Variants in SLX4IP observed in about 807,000 individuals in gnomAD.
SLX4IP encodes the protein protein SLX4IP.
Under a neutral mutation model 32.9 loss-of-function variants are expected in SLX4IP, and 34 were observed. The observed-to-expected ratio is 1.03, with a 90% CI of 0.79 to 1.38. The LOEUF is 1.38. Ranked by LOEUF, SLX4IP falls within the 40% of genes most tolerant of loss-of-function variation. The pLI is 0.00. For missense variants in SLX4IP, 444 were observed against 479.0 expected (o/e 0.93, Z 0.68); for synonymous variants, 172 against 171.7 (o/e 1.00, Z -0.01).
chr20:10,485,814 CTA>C (rs2065567840), intron 2 of SLX4IP, among the ~76,000 whole-genome samples: 2 of 151,846 alleles, frequency 1.3e-5, no homozygotes, highest in Non-Finnish European at 2.9e-5. Flanking sequence ...ATTTAGTAAA[CTA>C]GAGAAAAAAG....
chr20:10,482,759 T>C (rs2122383537), intron 2 of SLX4IP, among the ~76,000 whole-genome samples: 1 of 152,348 alleles, frequency 6.6e-6, no homozygotes, highest in East Asian at 1.9e-4. Flanking sequence ...CTAAGAGACC[T>C]TTTAGAAGTG....
chr20:10,491,375 T>A (rs2065622476), intron 2 of SLX4IP, among the ~76,000 whole-genome samples: 1 of 152,180 alleles, frequency 6.6e-6, no homozygotes. Flanking sequence ...GTAATCATAT[T>A]CATGATTCTC....
chr20:10,561,460 A>T (rs1397044722), intron 4 of SLX4IP, among the ~76,000 whole-genome samples: 1 of 151,942 alleles, frequency 6.6e-6, no homozygotes, highest in Admixed American at 6.5e-5. Context: ...TCTACATATG[A>T]GTGAGAACAT....
intron 2 of SLX4IP, among the ~76,000 whole-genome samples, chr20:10,485,917 T>A (rs1225887311): frequency 2.0e-5 from 3 of 152,074 alleles, no homozygotes; most frequent in Non-Finnish European, 4.4e-5. Flanking sequence ...GTTATCTTCA[T>A]ATTGAGTCGG....
chr20:10,467,600 C>G (rs2065390946), intron 2 of SLX4IP, among the ~76,000 whole-genome samples: 1 of 152,166 alleles, frequency 6.6e-6, no homozygotes, highest in Non-Finnish European at 1.5e-5. Context: ...TGATGCTATG[C>G]CCAAACTAAC....
intron 2 of SLX4IP, among the ~76,000 whole-genome samples, chr20:10,497,892 A>C (rs1303980932): frequency 6.6e-6 from 1 of 151,746 alleles, no homozygotes; most frequent in Non-Finnish European, 1.5e-5. Context: ...TCCTTCCACC[A>C]ATCTTGCTTT....
chr20:10,598,808 A>G (rs2066806294), intron 5 of SLX4IP, 56 bp downstream of exon 5: 3 of 1,543,670 alleles, frequency 1.9e-6, no homozygotes, highest in Non-Finnish European at 1.8e-6. Flanking sequence ...CTTGCCCTAG[A>G]TAGAGAAGGG....
intron 1 of SLX4IP, among the ~76,000 whole-genome samples, chr20:10,451,401 C>G (rs2065241056): frequency 6.6e-6 from 1 of 151,972 alleles, no homozygotes; most frequent in Admixed American, 6.6e-5. Flanking sequence ...CCCAAGTGAT[C>G]CACGTGCGTT....
chr20:10,445,594 T>A (rs2065195542), intron 1 of SLX4IP, among the ~76,000 whole-genome samples: 1 of 150,022 alleles, frequency 6.7e-6, no homozygotes, highest in Admixed American at 6.7e-5. Flanking sequence ...GGATTACAGA[T>A]GTGAGCCACC....
intron 6 of SLX4IP, among the ~76,000 whole-genome samples, chr20:10,618,106 A>G (rs1342290520): frequency 1.3e-5 from 2 of 152,110 alleles, no homozygotes; most frequent in Admixed American, 6.6e-5. Flanking sequence ...GGGTAATATC[A>G]CCCATTGTCA....
chr20:10,520,865 C>A (rs1014964201), intron 2 of SLX4IP, among the ~76,000 whole-genome samples: 2 of 152,204 alleles, frequency 1.3e-5, no homozygotes, highest in African/African-American at 4.8e-5. Flanking sequence ...CTCTTCCACT[C>A]CTCTCTATCC....
At chr20:10,516,529 C>G (rs1018243013) in intron 2 of SLX4IP, among the ~76,000 whole-genome samples, 2 of 152,202 alleles carry the variant, frequency 1.3e-5, no homozygotes, top group Non-Finnish European at 2.9e-5. Flanking sequence ...AATGAGCATT[C>G]TGCCTTCTAA....
rs574216467 is a variant in SLX4IP at position 10,503,790 on chromosome 20, G to A, written c.27+45559G>A. Among the ~76,000 whole-genome samples the A allele has an allele frequency of 3.3e-5, 5 of 152,186 alleles. No individual in the cohort carries two copies. The East Asian group carries it at 9.7e-4, about 29-fold the overall frequency. On this transcript the variant is annotated intron_variant, in intron 2 of 7. Coordinates refer to ENST00000334534, the MANE Select transcript of SLX4IP (RefSeq NM_001009608.3). ...GCCTCTTCTAGTTTTGGTGTTTGTT[G>A]GCAACCCTAGGCCTTCTTGGGTTTG...
At chr20:10,513,842 G>T (rs1263376518) in intron 2 of SLX4IP, among the ~76,000 whole-genome samples, 2 of 152,182 alleles carry the variant, frequency 1.3e-5, no homozygotes, top group African/African-American at 4.8e-5. Context: ...GGCTTCTAGC[G>T]AGGACAGTGG....
intron 4 of SLX4IP, among the ~76,000 whole-genome samples, chr20:10,596,232 C>T (rs1489282394): frequency 1.3e-5 from 2 of 151,886 alleles, no homozygotes; most frequent in African/African-American, 4.8e-5. Flanking sequence ...CTGATAATAA[C>T]GTTTTTTTTT....
chr20:10,595,126 T>A (rs1312781557), intron 4 of SLX4IP, among the ~76,000 whole-genome samples: 1 of 152,086 alleles, frequency 6.6e-6, no homozygotes, highest in African/African-American at 2.4e-5. Flanking sequence ...GATGGGATCT[T>A]GCTGATACTA....
intron 4 of SLX4IP, among the ~76,000 whole-genome samples, chr20:10,565,592 G>A (rs1336942611): frequency 6.6e-6 from 1 of 152,186 alleles, no homozygotes; most frequent in East Asian, 1.9e-4. Flanking sequence ...AGTCAGGGGA[G>A]GCAAAATGTT....
intron 4 of SLX4IP, among the ~76,000 whole-genome samples, chr20:10,596,863 A>G (rs897846471): frequency 1.3e-5 from 2 of 152,200 alleles, no homozygotes; most frequent in Non-Finnish European, 2.9e-5. Context: ...ACTCAGAGTA[A>G]TGTCAGTGGT....
At chr20:10,602,302 CTCTCTGTCTCTCTG>C (rs2066852014) in intron 6 of SLX4IP, among the ~76,000 whole-genome samples, 1 of 150,586 alleles carries the variant, frequency 6.6e-6, no homozygotes, top group Admixed American at 6.6e-5. Flanking sequence ...CTCTCTCTCT[CTCTCTGTCTCTCTG>C]TCTCTCTGTC....
Sources: allele counts gnomAD v4.1 joint callset (sites outside exome capture counted in the v4.1 genomes callset), GRCh38; gene constraint gnomAD v4.1.1; transcripts MANE v1.5; gene names NCBI Gene and HGNC (gene_info 2026-07-23, HGNC 2026-07-21).